GPAT4: variants seen among roughly 807,000 people sequenced by gnomAD.
GPAT4 encodes the protein 1-AGP acyltransferase 6.
GPAT4 carries 17 observed loss-of-function variants against 58.0 expected under a neutral mutation model. The ratio of observed to expected loss-of-function variants is 0.29; its 90% CI spans 0.20 to 0.44. The LOEUF (loss-of-function observed/expected upper bound fraction) is 0.44. Ranked by LOEUF, GPAT4 falls within the 20% of genes least tolerant of loss-of-function variation. GPAT4 has a pLI of 1.00. For missense variants in GPAT4, 377 were observed against 574.5 expected (o/e 0.66, Z 3.51); for synonymous variants, 204 against 210.1 (o/e 0.97, Z 0.25).
At chr8:41,612,148 T>G in intron 6 of GPAT4, 32 bp from the exon 7 acceptor site, 1 of 1,610,776 alleles carries the variant, frequency 6.2e-7, no homozygotes, top group Non-Finnish European at 8.5e-7. Context: ...TTCACACTAA[T>G]TTTGGTTGCT....
intron 2 of GPAT4, among the ~76,000 whole-genome samples, chr8:41,601,877 T>A (rs1251657925): frequency 6.6e-6 from 1 of 152,236 alleles, no homozygotes; most frequent in African/African-American, 2.4e-5. Flanking sequence ...TGGGCCAATT[T>A]ATAGGACCTG....
In GPAT4 at chr8:41,624,786, T is replaced by G. The variant is rs1301464848; in HGVS notation, c.*3785T>G. ...AAACGATAAATAAAAAGGGGGAACT[T>G]TTCATTGCGCCAGGGGTGGCACCTG... On this transcript the variant is annotated 3_prime_UTR_variant, in exon 13 of 13. Transcript: ENST00000396987. 1 of 152,034 alleles carries G rather than the reference T, an allele frequency of 6.6e-6. No individual in the cohort carries two copies. The highest frequency in any genetic ancestry group is 1.9e-4 in the East Asian group (1 of 5,176). The allele number at this position is 152,034 out of a possible 1,614,324, so 9.4% of individuals were successfully genotyped here.
At chr8:41,587,759 G>C (rs1179724203) in intron 1 of GPAT4, among the ~76,000 whole-genome samples, 3 of 152,186 alleles carry the variant, frequency 2.0e-5, no homozygotes, top group Admixed American at 2.0e-4. Flanking sequence ...CCACTGGTCC[G>C]ATTTATCCTT....
chr8:41,617,467 GTAT>G (rs1803629006), intron 10 of GPAT4, among the ~76,000 whole-genome samples: 1 of 152,036 alleles, frequency 6.6e-6, no homozygotes, highest in Non-Finnish European at 1.5e-5. Flanking sequence ...GTTTCTGTTG[GTAT>G]TATAATAACA....
intron 3 of GPAT4, 56 bp from the exon 4 acceptor site, chr8:41,609,599 A>G (rs1803381182): frequency 6.2e-6 from 10 of 1,603,378 alleles, no homozygotes; most frequent in African/African-American, 1.3e-5. Flanking sequence ...TGCTCTGAGT[A>G]TGTCTCACGT....
At chr8:41,584,851 G>A (rs1247835805) in intron 1 of GPAT4, 6 of 152,142 alleles carry the variant, frequency 3.9e-5, no homozygotes, top group Non-Finnish European at 7.3e-5. Context: ...ACTCAAGAAA[G>A]TTCTGGAGGG....
chr8:41,595,590 T>C (rs1220487448), intron 1 of GPAT4, among the ~76,000 whole-genome samples: 1 of 152,186 alleles, frequency 6.6e-6, no homozygotes, highest in Non-Finnish European at 1.5e-5. Context: ...TGGAGTGTTG[T>C]AGGGTCACGG....
rs3839875 is a variant in GPAT4, at chr8:41,612,525, CTG to C, written c.795+256_795+257del. The stretch of plus-strand genomic sequence containing the variant: ...GGGCAGAGGGAGTTGCTGGCAAGGA[CTG>C]TGTCCAGGGCATCTGAGAATCTGCC... On this transcript the variant is annotated intron_variant, in intron 7 of 12. Transcript: ENST00000396987. Among the ~76,000 whole-genome samples, 77 of 152,340 alleles carry C rather than the reference CTG, an allele frequency of 5.1e-4. No individual in the cohort carries two copies. The East Asian group carries it at 0.014, about 28-fold the overall frequency.
At chr8:41,582,683 G>GTA (rs1802554219) in intron 1 of GPAT4, among the ~76,000 whole-genome samples, 2 of 147,854 alleles carry the variant, frequency 1.4e-5, no homozygotes, top group Non-Finnish European at 3.0e-5. Context: ...GAGTGTGTGT[G>GTA]TGTGTGTGTG....
At chr8:41,615,456 G>C (rs998226384) in intron 10 of GPAT4, among the ~76,000 whole-genome samples, 2 of 151,748 alleles carry the variant, frequency 1.3e-5, no homozygotes, top group African/African-American at 4.8e-5. Flanking sequence ...AGGATTGGGG[G>C]GGGGGTCATT....
chr8:41,621,517 T>C lies in GPAT4; in HGVS notation c.*516T>C, dbSNP rs2150509934. 1 of 154,016 alleles carries C rather than the reference T, an allele frequency of 6.5e-6. No individual in the cohort carries two copies. Among genetic ancestry groups the C allele is most frequent in the Middle Eastern group, 3.4e-3 (1 of 294 alleles). The allele number at this position is 154,016 out of a possible 1,614,324, so 9.5% of individuals were successfully genotyped here. On this transcript the variant is annotated 3_prime_UTR_variant, in exon 13 of 13. Transcript: ENST00000396987. ...ACATGATAGGAAGGAAACTGTCATCTGCAGGGGCTTTCAGCAAAATGAAGG... is the reference window on the plus strand; with the variant it reads ...ACATGATAGGAAGGAAACTGTCATCCGCAGGGGCTTTCAGCAAAATGAAGG...
intron 2 of GPAT4, among the ~76,000 whole-genome samples, chr8:41,601,039 T>A (rs1803079374): frequency 6.6e-6 from 1 of 152,196 alleles, no homozygotes; most frequent in South Asian, 2.1e-4. Context: ...GGGCTGTTTC[T>A]ACCTTCTCTG....
In GPAT4 at chr8:41,624,860, C is replaced by T. The variant is rs550004374; in HGVS notation, c.*3859C>T. ...GCTGGCTGCCGGGGGGTGGGCTTCT[C>T]ATATGCATTCTGGCCGGCCAGCTGC... On this transcript the variant is annotated 3_prime_UTR_variant, in exon 13 of 13. Transcript: ENST00000396987. The T allele has an allele frequency of 1.3e-5, 2 of 152,276 alleles. No individual in the cohort carries two copies. Among genetic ancestry groups the T allele is most frequent in the South Asian group, 4.2e-4 (2 of 4,814 alleles). The allele number at this position is 152,276 out of a possible 1,614,324, so 9.4% of individuals were successfully genotyped here. A position where few individuals can be genotyped will look rare whatever the true frequency, so the allele number is the denominator to read the frequency against.
intron 7 of GPAT4, 61 bp from the exon 8 acceptor site, chr8:41,612,784 A>G: frequency 7.0e-7 from 1 of 1,436,332 alleles, no homozygotes; most frequent in Non-Finnish European, 9.7e-7. Context: ...GGTTCTTCCT[A>G]GAGTGGGGAG....
chr8:41,609,307 G>T, intron 2 of GPAT4, 109 bp from the exon 3 acceptor site: 2 of 1,146,124 alleles, frequency 1.7e-6, no homozygotes, highest in South Asian at 1.3e-5. Flanking sequence ...TCTTGGCTAC[G>T]GTCTTAGGTG....
At position 41,621,201 on chromosome 8, in the gene GPAT4, G is replaced by A. The variant is rs151039188; in HGVS notation, c.*200G>A. 80 of 697,908 alleles carry A rather than the reference G, an allele frequency of 1.1e-4. No individual in the cohort carries two copies. The East Asian group carries it at 1.9e-3, about 17-fold the overall frequency. The allele number at this position is 697,908 out of a possible 1,614,324, so 43.2% of individuals were successfully genotyped here. On this transcript the variant is annotated 3_prime_UTR_variant, in exon 13 of 13. Transcript: ENST00000396987. ...GCAGCCTACCCTTGGTGGTCTAAAC[G>A]GATGCTGCTGGGTGTTGCGACCCAG...
At chr8:41,589,586 A>G (rs1421722437) in intron 1 of GPAT4, among the ~76,000 whole-genome samples, 1 of 152,040 alleles carries the variant, frequency 6.6e-6, no homozygotes, top group Admixed American at 6.6e-5. Flanking sequence ...GTAAAAACTC[A>G]TGAGTCTTTG....
At chr8:41,620,821 T>C in intron 12 of GPAT4, 72 bp from the exon 13 acceptor site, 1 of 1,539,690 alleles carries the variant, frequency 6.5e-7, no homozygotes, top group Non-Finnish European at 8.8e-7. Flanking sequence ...GGCAGCATGG[T>C]GCATCTCCCA....
chr8:41,602,684 G>A (rs1309059693), intron 2 of GPAT4, among the ~76,000 whole-genome samples: 2 of 152,202 alleles, frequency 1.3e-5, no homozygotes, highest in African/African-American at 4.8e-5. Context: ...ACTTGTGGGT[G>A]TTTATGTGTA....
Sources: allele counts gnomAD v4.1 joint callset (sites outside exome capture counted in the v4.1 genomes callset), GRCh38; gene constraint gnomAD v4.1.1; transcripts MANE v1.5; gene names NCBI Gene and HGNC (gene_info 2026-07-23, HGNC 2026-07-21).